The following LRRTM4 variants were observed in gnomAD, a reference collection of about 807,000 sequenced individuals.
LRRTM4 encodes the protein leucine-rich repeat transmembrane neuronal protein 4.
In LRRTM4, 25 loss-of-function variants were observed where a neutral mutation model predicts 47.6. That is an observed-to-expected ratio of 0.53 (90% CI 0.38 to 0.73). The LOEUF (loss-of-function observed/expected upper bound fraction) is 0.73. Among genes scored for constraint, LRRTM4 ranks in the 30% least tolerant of loss-of-function variants. LRRTM4 has a pLI of 0.00. For synonymous variants in LRRTM4, 311 were observed against 269.5 expected, an observed-to-expected ratio of 1.15 and a Z score of -1.51; for missense variants, 638 against 713.4, an observed-to-expected ratio of 0.89 and a Z score of 1.20.
At chr2:76,927,774 G>T (rs1316036982) in intron 3 of LRRTM4, among the ~76,000 whole-genome samples, 1 of 152,034 alleles carries the variant, frequency 6.6e-6, no homozygotes, top group African/African-American at 2.4e-5. Context: ...CCATTTAAAA[G>T]TACTGATCTC....
intron 3 of LRRTM4, among the ~76,000 whole-genome samples, chr2:76,841,276 G>T (rs1671667945): frequency 6.6e-6 from 1 of 151,104 alleles, no homozygotes. Flanking sequence ...GGACTGTTGT[G>T]GGGTGGGGGG....
intron 3 of LRRTM4, among the ~76,000 whole-genome samples, chr2:77,079,988 A>G (rs1455140316): frequency 2.6e-5 from 4 of 152,214 alleles, no homozygotes; most frequent in African/African-American, 4.8e-5. Flanking sequence ...AAAATTCTCC[A>G]AAGAGTTATT....
chr2:77,049,175 A>AC (rs1437400171), intron 3 of LRRTM4, among the ~76,000 whole-genome samples: 1 of 122,916 alleles, frequency 8.1e-6, no homozygotes, highest in African/African-American at 3.7e-5. Context: ...CACACACACC[A>AC]CATTTTCTTT....
intron 3 of LRRTM4, among the ~76,000 whole-genome samples, chr2:77,007,182 G>A (rs767279227): frequency 4.0e-5 from 6 of 150,372 alleles, no homozygotes; most frequent in Admixed American, 6.6e-5. Flanking sequence ...ACACACACAC[G>A]CATATATATA....
intron 3 of LRRTM4, among the ~76,000 whole-genome samples, chr2:76,770,520 A>G (rs1271223353): frequency 6.6e-6 from 1 of 152,160 alleles, no homozygotes. Context: ...TTGATATCAA[A>G]TATGTGTTCT....
At chr2:77,385,913 AT>A (rs1553437653) in intron 3 of LRRTM4, among the ~76,000 whole-genome samples, 27 of 147,486 alleles carry the variant, frequency 1.8e-4, no homozygotes, top group African/African-American at 3.7e-4. Flanking sequence ...ACTCCTGGCT[AT>A]TTTTTTTTTA....
chr2:76,802,001 C>T (rs1419617782), intron 3 of LRRTM4, among the ~76,000 whole-genome samples: 1 of 152,014 alleles, frequency 6.6e-6, no homozygotes, highest in South Asian at 2.1e-4. Context: ...TATGGCAACC[C>T]CATTGCTAAC....
chr2:77,447,703 A>G (rs961593749), intron 3 of LRRTM4, among the ~76,000 whole-genome samples: 2 of 152,130 alleles, frequency 1.3e-5, no homozygotes, highest in African/African-American at 4.8e-5. Flanking sequence ...TGTCATTGAC[A>G]AAGTTTTTGA....
intron 3 of LRRTM4, among the ~76,000 whole-genome samples, chr2:76,903,498 T>C (rs1673715816): frequency 6.6e-6 from 1 of 152,094 alleles, no homozygotes; most frequent in Admixed American, 6.5e-5. Context: ...ATTGCATCAC[T>C]GCACTCCATC....
intron 3 of LRRTM4, among the ~76,000 whole-genome samples, chr2:77,180,230 T>A (rs1311852192): frequency 6.6e-6 from 1 of 152,292 alleles, no homozygotes; most frequent in South Asian, 2.1e-4. Context: ...CAGAGAGATA[T>A]TCTGAGTCCC....
In LRRTM4 at chr2:76,918,500, TC is replaced by T. The variant is rs563792313; in HGVS notation, c.1552-169585del. On this transcript the variant is annotated intron_variant, in intron 3 of 3. Coordinates refer to ENST00000409884, the MANE Select transcript of LRRTM4 (RefSeq NM_001134745.3). Reference sequence around the variant, plus strand: ...GTTTTAAGTTTTGTCTAGGAATATATCTGGCTCATCACATAGGCCGTATTAA... The same window carrying T: ...GTTTTAAGTTTTGTCTAGGAATATATTGGCTCATCACATAGGCCGTATTAA... Among the ~76,000 whole-genome samples the T allele has an allele frequency of 1.4e-3, 214 of 152,318 alleles. 1 individual carries two copies. The highest frequency in any genetic ancestry group is 4.9e-3 in the African/African-American group (204 of 41,568).
intron 3 of LRRTM4, among the ~76,000 whole-genome samples, chr2:77,418,238 G>T (rs1674725232): frequency 6.6e-6 from 1 of 152,026 alleles, no homozygotes; most frequent in African/African-American, 2.4e-5. Context: ...CTGTGAAGTA[G>T]GAACAATAGC....
chr2:76,961,105 A>T (rs1675842953), intron 3 of LRRTM4, among the ~76,000 whole-genome samples: 1 of 151,546 alleles, frequency 6.6e-6, no homozygotes, highest in African/African-American at 2.4e-5. Flanking sequence ...TTTATTTATT[A>T]CAACGACAGG....
rs1007462620 is a variant in LRRTM4, at chr2:76,823,724, C to T, written c.1552-74808G>A. 3.3e-5 allele frequency among the ~76,000 whole-genome samples: 5 copies of T among 151,464 alleles called. No homozygotes were observed. In the East Asian group the frequency reaches 5.8e-4, roughly 18 times the overall value. On this transcript the variant is annotated intron_variant, in intron 3 of 3. Transcript: ENST00000409884. The stretch of plus-strand genomic sequence containing the variant: ...AAATAAAAGCATAAGAGAGGGGATT[C>T]ACTGATTGTTTTAGTGATATACACA...
intron 3 of LRRTM4, among the ~76,000 whole-genome samples, chr2:77,060,176 T>C (rs1252828426): frequency 6.6e-6 from 1 of 152,194 alleles, no homozygotes; most frequent in Non-Finnish European, 1.5e-5. Flanking sequence ...GTTGGATTAA[T>C]TTTGTAATCT....
At chr2:76,781,090 TGAG>T (rs1489211808) in intron 3 of LRRTM4, among the ~76,000 whole-genome samples, 10 of 149,502 alleles carry the variant, frequency 6.7e-5, no homozygotes, top group East Asian at 3.9e-4. Context: ...GGGACCCACT[TGAG>T]GAGGCAGTCT....
At chr2:77,358,412 C>T (rs1672052342) in intron 3 of LRRTM4, among the ~76,000 whole-genome samples, 1 of 152,120 alleles carries the variant, frequency 6.6e-6, no homozygotes, top group Non-Finnish European at 1.5e-5. Context: ...AACCAAGTCT[C>T]TTAAGAGGGA....
At chr2:77,058,952 T>G (rs1233589950) in intron 3 of LRRTM4, among the ~76,000 whole-genome samples, 1 of 150,950 alleles carries the variant, frequency 6.6e-6, no homozygotes, top group Non-Finnish European at 1.5e-5. Context: ...GAAATTAGAG[T>G]TTTTTATTGA....
intron 3 of LRRTM4, among the ~76,000 whole-genome samples, chr2:77,471,773 A>G (rs1677198480): frequency 6.6e-6 from 1 of 152,140 alleles, no homozygotes; most frequent in Admixed American, 6.5e-5. Flanking sequence ...ATTCACCATC[A>G]CCAGCAGCAG....
Sources: allele counts gnomAD v4.1 joint callset (sites outside exome capture counted in the v4.1 genomes callset), GRCh38; gene constraint gnomAD v4.1.1; transcripts MANE v1.5; gene names NCBI Gene and HGNC (gene_info 2026-07-23, HGNC 2026-07-21).